The following STAG1 variants were observed in gnomAD, a reference collection of about 807,000 sequenced individuals.
The protein encoded by STAG1 is cohesin subunit SA-1.
In STAG1, 26 loss-of-function variants were observed where a neutral mutation model predicts 170.9. That is an observed-to-expected ratio of 0.15 (90% CI 0.11 to 0.21). STAG1 has a LOEUF of 0.21. Among genes scored for constraint, STAG1 ranks in the 10% least tolerant of loss-of-function variants. The pLI, the probability that STAG1 is intolerant of heterozygous loss-of-function variation, is 1.00. For synonymous variants in STAG1, 514 were observed against 497.7 expected (o/e 1.03, Z -0.44); for missense variants, 964 against 1,509.5 (o/e 0.64, Z 5.99).
intron 3 of STAG1, among the ~76,000 whole-genome samples, chr3:136,614,866 C>T (rs971728910): frequency 6.6e-6 from 1 of 152,076 alleles, no homozygotes; most frequent in African/African-American, 2.4e-5. Flanking sequence ...ATAATCCACA[C>T]CGTATCACAA....
intron 29 of STAG1, among the ~76,000 whole-genome samples, chr3:136,346,131 T>C (rs1218720589): frequency 6.6e-6 from 1 of 152,238 alleles, no homozygotes; most frequent in Admixed American, 6.5e-5. Flanking sequence ...ACTGTCTATA[T>C]GTTCCCACAA....
intron 23 of STAG1, among the ~76,000 whole-genome samples, chr3:136,369,886 T>G (rs909427415): frequency 6.6e-6 from 1 of 152,158 alleles, no homozygotes; most frequent in East Asian, 1.9e-4. Flanking sequence ...TGTAGTAACA[T>G]AACCCTGTGG....
intron 5 of STAG1, among the ~76,000 whole-genome samples, chr3:136,543,876 T>A (rs1005659578): frequency 6.6e-6 from 1 of 152,154 alleles, no homozygotes; most frequent in Non-Finnish European, 1.5e-5. Flanking sequence ...AGTATTAGAC[T>A]CTCCTACTTT....
intron 9 of STAG1, among the ~76,000 whole-genome samples, chr3:136,489,311 C>T (rs1458018595): frequency 1.3e-5 from 2 of 152,160 alleles, no homozygotes; most frequent in African/African-American, 4.8e-5. Flanking sequence ...GGATTACTTT[C>T]TCAGCAGATG....
intron 1 of STAG1, among the ~76,000 whole-genome samples, chr3:136,751,292 T>C (rs1192048398): frequency 1.3e-5 from 2 of 151,238 alleles, no homozygotes. Flanking sequence ...CAAATGTGGG[T>C]AGATGGGGGT....
chr3:136,534,330 G>A (rs942262170), intron 6 of STAG1, among the ~76,000 whole-genome samples: 16 of 151,942 alleles, frequency 1.1e-4, no homozygotes, highest in African/African-American at 3.9e-4. Context: ...AACAATTCAG[G>A]ACACTGGTCT....
At chr3:136,401,035 A>G (rs925290406) in intron 21 of STAG1, among the ~76,000 whole-genome samples, 1 of 152,312 alleles carries the variant, frequency 6.6e-6, no homozygotes, top group Admixed American at 6.5e-5. Context: ...GGTATAGTTT[A>G]ATAACCTCTG....
intron 9 of STAG1, among the ~76,000 whole-genome samples, chr3:136,487,372 T>G (rs1424061304): frequency 6.6e-6 from 1 of 152,216 alleles, no homozygotes; most frequent in Non-Finnish European, 1.5e-5. Context: ...CTTTATCTAG[T>G]CTATCACTGA....
intron 1 of STAG1, among the ~76,000 whole-genome samples, chr3:136,718,256 A>C (rs1310726599): frequency 1.3e-5 from 2 of 152,240 alleles, no homozygotes; most frequent in African/African-American, 4.8e-5. Flanking sequence ...GTATGAGTAT[A>C]GATGAAACAA....
At chr3:136,422,379 A>C (rs766501386) in intron 19 of STAG1, 31 bp downstream of exon 19, 4 of 1,569,734 alleles carry the variant, frequency 2.5e-6, no homozygotes, top group Non-Finnish European at 1.8e-6. Context: ...AGTCAATATT[A>C]TTATATGTAC....
chr3:136,506,997 C>T (rs1013874695), intron 7 of STAG1, among the ~76,000 whole-genome samples: 2 of 152,174 alleles, frequency 1.3e-5, no homozygotes, highest in Non-Finnish European at 2.9e-5. Flanking sequence ...TTTATTTTTA[C>T]TTGCCAGTCA....
intron 1 of STAG1, chr3:136,736,731 T>C: frequency 8.1e-6 from 13 of 1,602,698 alleles, no homozygotes; most frequent in South Asian, 2.2e-5. Context: ...TTCCTTTTAA[T>C]TTCCAGCTCA....
At chr3:136,358,703 T>A (rs543520031) in intron 27 of STAG1, among the ~76,000 whole-genome samples, 1 of 152,250 alleles carries the variant, frequency 6.6e-6, no homozygotes, top group South Asian at 2.1e-4. Context: ...GCTTCCCAAG[T>A]AGCTAGGACT....
At chr3:136,667,440 A>G (rs1050182517) in intron 1 of STAG1, among the ~76,000 whole-genome samples, 8 of 152,230 alleles carry the variant, frequency 5.3e-5, no homozygotes, top group South Asian at 2.1e-4. Context: ...TGAAATAATG[A>G]TATCAGTGAG....
intron 2 of STAG1, among the ~76,000 whole-genome samples, chr3:136,624,802 A>G (rs1269110755): frequency 6.6e-6 from 1 of 152,224 alleles, no homozygotes; most frequent in East Asian, 1.9e-4. Context: ...AAAGTGGCAT[A>G]ACCAAAGTGA....
At chr3:136,455,944 C>G (rs1478240258) in intron 13 of STAG1, among the ~76,000 whole-genome samples, 1 of 152,144 alleles carries the variant, frequency 6.6e-6, no homozygotes, top group Non-Finnish European at 1.5e-5. Context: ...TGACTTGGTT[C>G]TGGAATACTG....
At chr3:136,413,056 G>T (rs2107714085) in intron 21 of STAG1, among the ~76,000 whole-genome samples, 1 of 151,276 alleles carries the variant, frequency 6.6e-6, no homozygotes, top group East Asian at 1.9e-4. Flanking sequence ...TACAGACAGG[G>T]TTTTGCCATG....
chr3:136,751,578 G>A (rs893433760), intron 1 of STAG1, among the ~76,000 whole-genome samples: 33 of 152,038 alleles, frequency 2.2e-4, no homozygotes, highest in South Asian at 4.1e-4. Context: ...CAGCATTGAT[G>A]CATCTCCCCC....
chr3:136,591,773 A>G (rs1191129268), intron 4 of STAG1, among the ~76,000 whole-genome samples: 1 of 152,200 alleles, frequency 6.6e-6, no homozygotes, highest in African/African-American at 2.4e-5. Flanking sequence ...AAGAAAGAAA[A>G]GCACTGTTCC....
Sources: allele counts gnomAD v4.1 joint callset (sites outside exome capture counted in the v4.1 genomes callset), GRCh38; gene constraint gnomAD v4.1.1; transcripts MANE v1.5; gene names NCBI Gene and HGNC (gene_info 2026-07-23, HGNC 2026-07-21).